The following RNF13 variants were observed in gnomAD, a reference collection of about 807,000 sequenced individuals.
RNF13 encodes E3 ubiquitin-protein ligase RNF13.
Under a neutral mutation model 37.7 loss-of-function variants are expected in RNF13, and 19 were observed. That is an observed-to-expected ratio of 0.50 (90% CI 0.35 to 0.74). The LOEUF (loss-of-function observed/expected upper bound fraction) is 0.74. Among genes scored for constraint, RNF13 ranks in the 30% least tolerant of loss-of-function variants. RNF13 has a pLI of 0.01. For missense variants in RNF13, 375 were observed against 453.0 expected, an observed-to-expected ratio of 0.83 and a Z score of 1.56; for synonymous variants, 144 against 157.8, an observed-to-expected ratio of 0.91 and a Z score of 0.65.
chr3:149,891,713 G>A (rs1714717769), intron 4 of RNF13, among the ~76,000 whole-genome samples: 1 of 152,080 alleles, frequency 6.6e-6, no homozygotes, highest in African/African-American at 2.4e-5. Flanking sequence ...AGTTTTGGTG[G>A]CTGTTTTGGA....
rs552371119 is a variant in RNF13 at position 149,908,218 on chromosome 3, G to A, written c.501-3760G>A. On this transcript the variant is annotated intron_variant, in intron 6 of 9. Transcript: ENST00000392894. ...ATTGGATAACATACAACTTTTACAA[G>A]TTGTGGGCAGAGACAAAGCTTGTTT... Among the ~76,000 whole-genome samples the A allele has an allele frequency of 4.8e-4, 73 of 152,302 alleles. 2 individuals are homozygous for A. In the South Asian group the frequency reaches 0.015, roughly 32 times the overall value.
At chr3:149,952,881 G>A (rs1721482048) in intron 8 of RNF13, among the ~76,000 whole-genome samples, 1 of 152,174 alleles carries the variant, frequency 6.6e-6, no homozygotes, top group Non-Finnish European at 1.5e-5. Flanking sequence ...TTACAGGCAT[G>A]AGCCACCATG....
intron 2 of RNF13, chr3:149,851,738 C>T (rs1723137684): frequency 6.6e-6 from 1 of 152,140 alleles, no homozygotes; most frequent in South Asian, 2.1e-4. Context: ...TACTTGTTTA[C>T]TATCTATGAA....
rs1715181897 is a variant in RNF13, at chr3:149,895,683, C to CTAT, written c.409+123_409+124insTAT. 9 of 562,210 alleles carry CTAT rather than the reference C, an allele frequency of 1.6e-5. No individual in the cohort carries two copies. In the Admixed American group the frequency reaches 2.2e-4, roughly 14 times the overall value. The allele number at this position is 562,210 out of a possible 1,614,324, so 34.8% of individuals were successfully genotyped here. On this transcript the variant is annotated intron_variant, in intron 5 of 9. Transcript: ENST00000392894. ...CAAAATTTCTTCTCTATCAGATAATCCCTCATTCTTAACTCTGGATGATTT... is the reference window on the plus strand; with the variant it reads ...CAAAATTTCTTCTCTATCAGATAATCTATCCTCATTCTTAACTCTGGATGATTT...
chr3:149,945,580 A>G (rs1466390850), intron 8 of RNF13, among the ~76,000 whole-genome samples: 1 of 152,190 alleles, frequency 6.6e-6, no homozygotes, highest in African/African-American at 2.4e-5. Context: ...TGGTTCTCCC[A>G]GCACGCAGCT....
At chr3:149,940,334 C>G (rs958515066) in intron 8 of RNF13, among the ~76,000 whole-genome samples, 5 of 152,116 alleles carry the variant, frequency 3.3e-5, no homozygotes, top group African/African-American at 1.2e-4. Context: ...TACCCTCCAT[C>G]CCTTATATCA....
Position 149,854,839 on chromosome 3 carries a change from CT to C in RNF13, c.195+2247del, listed in dbSNP as rs377021505. ...CACTTGGATTTTTCTGAGTGATAGA[CT>C]TTTGGCCACATAGTTACTTGCTACA... is the stretch of plus-strand genomic sequence containing the variant. On this transcript the variant is annotated intron_variant, in intron 3 of 9. Transcript: ENST00000392894. 1.3e-4 allele frequency among the ~76,000 whole-genome samples: 20 copies of C among 152,274 alleles called. No homozygotes were observed. In the East Asian group the frequency reaches 3.9e-3, roughly 29 times the overall value.
At chr3:149,924,357 T>C (rs1475975321) in intron 8 of RNF13, among the ~76,000 whole-genome samples, 1 of 152,110 alleles carries the variant, frequency 6.6e-6, no homozygotes, top group Non-Finnish European at 1.5e-5. Context: ...TTTATATCAT[T>C]AGACTGGATG....
intron 8 of RNF13, among the ~76,000 whole-genome samples, chr3:149,930,151 A>G (rs1026294158): frequency 1.3e-5 from 2 of 151,384 alleles, no homozygotes; most frequent in African/African-American, 2.4e-5. Flanking sequence ...CTGGTCTTGA[A>G]CTCCTGACCT....
chr3:149,946,783 A>G (rs1720812373), intron 8 of RNF13, among the ~76,000 whole-genome samples: 2 of 151,960 alleles, frequency 1.3e-5, no homozygotes, highest in Non-Finnish European at 2.9e-5. Context: ...TATTTTTTCT[A>G]TCTTTTTTCC....
intron 8 of RNF13, among the ~76,000 whole-genome samples, chr3:149,923,993 G>A (rs990780731): frequency 2.6e-5 from 4 of 152,138 alleles, no homozygotes; most frequent in Admixed American, 2.6e-4. Context: ...AGACAGGAAA[G>A]TTATTGTAGT....
At chr3:149,857,112 T>G (rs1723737959) in intron 3 of RNF13, among the ~76,000 whole-genome samples, 1 of 152,222 alleles carries the variant, frequency 6.6e-6, no homozygotes, top group South Asian at 2.1e-4. Flanking sequence ...AGGTCTAATT[T>G]ATGTTCTATA....
chr3:149,881,355 G>T (rs1576814258), intron 4 of RNF13, among the ~76,000 whole-genome samples: 1 of 151,802 alleles, frequency 6.6e-6, no homozygotes, highest in African/African-American at 2.4e-5. Context: ...TTTTGAGATA[G>T]AGTCTTGCTC....
intron 4 of RNF13, among the ~76,000 whole-genome samples, chr3:149,880,986 A>G (rs1317130271): frequency 6.6e-6 from 1 of 152,212 alleles, no homozygotes; most frequent in Non-Finnish European, 1.5e-5. Flanking sequence ...ATAAAATTTC[A>G]TGGAATAGTA....
At chr3:149,917,000 A>T (rs890360261) in intron 7 of RNF13, among the ~76,000 whole-genome samples, 3 of 152,144 alleles carry the variant, frequency 2.0e-5, no homozygotes, top group Admixed American at 6.6e-5. Flanking sequence ...TAAATTTAAA[A>T]GTTTTTCATT....
chr3:149,881,115 A>G (rs1401470195), intron 4 of RNF13, among the ~76,000 whole-genome samples: 7 of 152,212 alleles, frequency 4.6e-5, no homozygotes, highest in Admixed American at 3.3e-4. Context: ...CATGACCTAT[A>G]GTTTGAAAAA....
chr3:149,881,355 G>C (rs1576814258), intron 4 of RNF13, among the ~76,000 whole-genome samples: 1 of 151,802 alleles, frequency 6.6e-6, no homozygotes, highest in African/African-American at 2.4e-5. Flanking sequence ...TTTTGAGATA[G>C]AGTCTTGCTC....
At chr3:149,867,334 C>T (rs1376801826) in intron 3 of RNF13, among the ~76,000 whole-genome samples, 2 of 151,686 alleles carry the variant, frequency 1.3e-5, no homozygotes, top group African/African-American at 2.4e-5. Context: ...GGCCCTATCT[C>T]GGCTCACTGC....
chr3:149,953,475 C>T (rs1163978647), intron 8 of RNF13, among the ~76,000 whole-genome samples: 3 of 152,220 alleles, frequency 2.0e-5, no homozygotes, highest in Non-Finnish European at 4.4e-5. Flanking sequence ...AAATGGTCTT[C>T]ATCCCTTCTT....
Sources: gnomAD v4.1 joint callset for allele counts (sites outside exome capture counted in the v4.1 genomes callset) on GRCh38, gnomAD v4.1.1 for gene constraint, MANE v1.5 for transcripts, NCBI Gene and HGNC (gene_info 2026-07-23, HGNC 2026-07-21) for gene names.